Variants in CD200R1 observed in about 807,000 individuals in gnomAD.
CD200R1 encodes the protein CD200 receptor 1.
A neutral mutation model predicts 38.1 loss-of-function variants in CD200R1; 30 were observed. The ratio of observed to expected loss-of-function variants is 0.79; its 90% CI spans 0.59 to 1.07. The LOEUF (loss-of-function observed/expected upper bound fraction) is 1.07. CD200R1 is among the 50% of genes least tolerant of loss of function. The probability of loss-of-function intolerance (pLI) is 0.00; values close to 1 mark genes in which losing one functional copy is unlikely to be tolerated. For synonymous variants in CD200R1, 128 were observed against 152.1 expected (o/e 0.84, Z 1.16); for missense variants, 372 against 415.4 (o/e 0.90, Z 0.91).
chr3:112,940,632 T>C (rs557610918), intron 2 of CD200R1, among the ~76,000 whole-genome samples: 28 of 151,866 alleles, frequency 1.8e-4, no homozygotes, highest in African/African-American at 6.3e-4. Flanking sequence ...AGAATGGCTA[T>C]TATCAAAAAG....
intron 1 of CD200R1, among the ~76,000 whole-genome samples, chr3:112,950,649 G>C (rs529740582): frequency 6.6e-6 from 1 of 151,958 alleles, no homozygotes; most frequent in South Asian, 2.1e-4. Flanking sequence ...TCGTATATTC[G>C]CTGAGTTTGG....
chr3:112,940,275 A>G (rs781516707), intron 2 of CD200R1, among the ~76,000 whole-genome samples: 1 of 151,724 alleles, frequency 6.6e-6, no homozygotes, highest in African/African-American at 2.4e-5. Context: ...AATTTTAAGA[A>G]TAAGACCTCA....
intron 1 of CD200R1, 103 bp from the exon 2 acceptor site, chr3:112,948,027 G>T: frequency 2.6e-6 from 2 of 770,604 alleles, no homozygotes; most frequent in Non-Finnish European, 4.5e-6. Context: ...GACTATTTTT[G>T]TATTGCAGTT....
chr3:112,947,945 AG>A (rs1559951945), intron 1 of CD200R1, 21 bp from the exon 2 acceptor site: 2 of 1,522,590 alleles, frequency 1.3e-6, no homozygotes, highest in South Asian at 1.1e-5. Flanking sequence ...AAAAAGACAT[AG>A]GGGGTAGAGA....
intron 1 of CD200R1, among the ~76,000 whole-genome samples, chr3:112,963,852 A>G (rs1933086398): frequency 6.6e-6 from 1 of 152,146 alleles, no homozygotes; most frequent in Non-Finnish European, 1.5e-5. Context: ...AGCCCCTCCC[A>G]TCACAGGCCT....
intron 2 of CD200R1, among the ~76,000 whole-genome samples, chr3:112,933,593 G>C (rs991312116): frequency 6.6e-6 from 1 of 152,100 alleles, no homozygotes; most frequent in Non-Finnish European, 1.5e-5. Context: ...AAGAAAATAT[G>C]ATAGACCCCC....
chr3:112,955,771 A>G (rs1941084159), intron 1 of CD200R1, among the ~76,000 whole-genome samples: 1 of 149,998 alleles, frequency 6.7e-6, no homozygotes, highest in African/African-American at 2.5e-5. Flanking sequence ...TAAAGTATTC[A>G]TGATTGGTAG....
chr3:112,937,067 G>A (rs1478903913), intron 2 of CD200R1, among the ~76,000 whole-genome samples: 1 of 152,188 alleles, frequency 6.6e-6, no homozygotes, highest in Non-Finnish European at 1.5e-5. Flanking sequence ...ATAAAAGAAA[G>A]AGGTTTAATT....
At chr3:112,970,331 A>T (rs1410932958) in intron 1 of CD200R1, among the ~76,000 whole-genome samples, 1 of 152,224 alleles carries the variant, frequency 6.6e-6, no homozygotes. Flanking sequence ...TTAATGCATG[A>T]ACAATATCAT....
intron 1 of CD200R1, among the ~76,000 whole-genome samples, chr3:112,962,017 A>G (rs2107340420): frequency 1.3e-5 from 2 of 152,318 alleles, no homozygotes; most frequent in East Asian, 3.9e-4. Context: ...CAACAATTCA[A>G]TAATGAATTT....
At chr3:112,923,920 G>A (rs1280374744) in intron 7 of CD200R1, 121 bp from the exon 8 acceptor site, 1 of 580,184 alleles carries the variant, frequency 1.7e-6, no homozygotes, top group Non-Finnish European at 3.0e-6. Context: ...GCTTATAATT[G>A]TGTTTCTGGG....
chr3:112,952,399 A>G (rs1279037601), intron 1 of CD200R1, among the ~76,000 whole-genome samples: 1 of 152,230 alleles, frequency 6.6e-6, no homozygotes, highest in Non-Finnish European at 1.5e-5. Flanking sequence ...ATGTCCAACA[A>G]TGATAGACTG....
intron 1 of CD200R1, among the ~76,000 whole-genome samples, chr3:112,953,935 A>G (rs1941028290): frequency 6.6e-6 from 1 of 151,514 alleles, no homozygotes; most frequent in Non-Finnish European, 1.5e-5. Context: ...TCTAGTCTCT[A>G]TTTTATTTAT....
intron 7 of CD200R1, 58 bp downstream of exon 7, chr3:112,924,432 G>C: frequency 8.2e-7 from 1 of 1,216,924 alleles, no homozygotes; most frequent in Non-Finnish European, 1.1e-6. Context: ...AAATTATGTT[G>C]CTAGATTTTC....
At chr3:112,947,946 G>C in intron 1 of CD200R1, 22 bp from the exon 2 acceptor site, 1 of 1,522,042 alleles carries the variant, frequency 6.6e-7, no homozygotes, top group Non-Finnish European at 9.1e-7. Flanking sequence ...AAAAGACATA[G>C]GGGGTAGAGA....
chr3:112,938,652 CA>C (rs1940642092), intron 2 of CD200R1, among the ~76,000 whole-genome samples: 1 of 152,012 alleles, frequency 6.6e-6, no homozygotes, highest in Admixed American at 6.6e-5. Flanking sequence ...CAAATGGCTT[CA>C]CAGCTGAATT....
intron 1 of CD200R1, among the ~76,000 whole-genome samples, 172 bp downstream of exon 1, chr3:112,974,619 C>T (rs531678162): frequency 2.6e-5 from 4 of 151,892 alleles, no homozygotes; most frequent in East Asian, 1.9e-4. Context: ...AGCAAGACAC[C>T]GGAAAAAAGG....
At chr3:112,940,733 T>C (rs1221596059) in intron 2 of CD200R1, among the ~76,000 whole-genome samples, 3 of 151,746 alleles carry the variant, frequency 2.0e-5, no homozygotes, top group African/African-American at 4.8e-5. Flanking sequence ...CTATGAAGAA[T>C]AGTATGGAAG....
intron 5 of CD200R1, 97 bp downstream of exon 5, chr3:112,928,719 G>C: frequency 1.1e-6 from 1 of 898,686 alleles, no homozygotes; most frequent in Non-Finnish European, 1.7e-6. Flanking sequence ...AGTGGGGAGA[G>C]CATCCTCGAA....
Sources: gnomAD v4.1 joint callset for allele counts (sites outside exome capture counted in the v4.1 genomes callset) on GRCh38, gnomAD v4.1.1 for gene constraint, MANE v1.5 for transcripts, NCBI Gene and HGNC (gene_info 2026-07-23, HGNC 2026-07-21) for gene names.